Variants in ATM observed in about 807,000 individuals in gnomAD.
ATM encodes serine-protein kinase ATM.
Under a neutral mutation model 387.0 loss-of-function variants are expected in ATM, and 308 were observed. The observed-to-expected ratio is 0.80, with a 90% CI of 0.73 to 0.87. The LOEUF (loss-of-function observed/expected upper bound fraction) is 0.87. ATM is among the 40% of genes least tolerant of loss of function. The pLI, the probability that ATM is intolerant of heterozygous loss-of-function variation, is 0.00. For synonymous variants in ATM, 1,156 were observed against 1,187.3 expected, an observed-to-expected ratio of 0.97 and a Z score of 0.54; for missense variants, 3,312 against 3,560.9, an observed-to-expected ratio of 0.93 and a Z score of 1.78.
At chr11:108,251,095 CT>C in intron 10 of ATM, 23 bp downstream of exon 10, 2 of 1,613,532 alleles carry the variant, frequency 1.2e-6, no homozygotes, top group Non-Finnish European at 1.7e-6. Context: ...TGCATTATGT[CT>C]GACTTACAGA....
At chr11:108,350,638 G>A (rs7103368) in intron 59 of ATM, among the ~76,000 whole-genome samples, 1,675 of 152,282 alleles carry the variant, frequency 0.011, 37 homozygotes, top group African/African-American at 0.038. Flanking sequence ...AACATTCAGC[G>A]AATGTGAGAG....
Position 108,304,762 on chromosome 11 carries a change from CT to C in ATM, c.5587del (p.Ser1863LeufsTer54). On this transcript the variant is annotated frameshift_variant, in exon 37 of 63. Transcript: ENST00000675843. LOFTEE classifies it high-confidence loss of function. ...QDTNESWRNLLSTHVQGFFTS... is the reference protein window; with the variant it reads ...QDTNESWRNLXSTHVQGFFTS... ...TACAAATGAATCATGGAGAAATCTG[CT>C]TTCTACACATGTTCAGGGATTTTTC... 6.2e-7 allele frequency: 1 copy of C among 1,613,988 alleles called. No individual in the cohort carries two copies. Among genetic ancestry groups the C allele is most frequent in the African/African-American group, 1.3e-5 (1 of 75,020 alleles).
chr11:108,331,445 G>A lies in ATM; in HGVS notation c.7517G>A (p.Arg2506Lys), dbSNP rs1555123920. The A allele has an allele frequency of 1.9e-6, 3 of 1,612,566 alleles. No individual in the cohort carries two copies. Among genetic ancestry groups the A allele is most frequent in the Non-Finnish European group, 1.7e-6 (2 of 1,179,352 alleles). ...GVSEVNGMMKRDGMKIPTYKF... is the reference protein window; with the variant it reads ...GVSEVNGMMKKDGMKIPTYKF... ...TTTGTGTCTTTTTTTTAATGGTAGA[G>A]AGACGGAATGAAGATTCCAACATAT... Residue 2506 changes from arginine to lysine, a missense_variant and splice_region_variant, in exon 51 of 63, where the codon AGA becomes AAA. Transcript: ENST00000675843.
rs35578748 is a variant in ATM, at chr11:108,250,737, T to C, written c.1272T>C (p.Pro424=). The change falls in exon 10 of 63, where the codon CCT becomes CCC. Residue 424 remains proline, a synonymous_variant. Transcript: ENST00000675843. ...QIATQLISKY[P]ASLPNCELSP... ...CAACCCAATTAATATCAAAGTATCC[T>C]GCAAGTTTACCTAACTGTGAGCTGT... is the stretch of plus-strand genomic sequence containing the variant. 2.4e-4 allele frequency: 387 copies of C among 1,610,944 alleles called. No individual in the cohort carries two copies. In the Middle Eastern group the frequency reaches 5.9e-3, roughly 25 times the overall value.
intron 6 of ATM, among the ~76,000 whole-genome samples, chr11:108,244,433 T>C (rs887044999): frequency 3.9e-5 from 6 of 152,126 alleles, no homozygotes; most frequent in Non-Finnish European, 8.8e-5. Context: ...TAAAATAAAA[T>C]AGGAAAATAT....
intron 14 of ATM, 149 bp from the exon 15 acceptor site, chr11:108,257,332 C>G (rs150952717): frequency 2.3e-5 from 22 of 958,288 alleles, no homozygotes; most frequent in Non-Finnish European, 3.0e-5. Flanking sequence ...TGTATGACTA[C>G]GTGGAACTTC....
chr11:108,239,600 G>T (rs1462950081), intron 5 of ATM, among the ~76,000 whole-genome samples: 1 of 152,152 alleles, frequency 6.6e-6, no homozygotes, highest in Non-Finnish European at 1.5e-5. Context: ...ATGCTGCCGT[G>T]AACATGAGTA....
intron 61 of ATM, among the ~76,000 whole-genome samples, chr11:108,359,660 C>A (rs1290043619): frequency 1.3e-5 from 2 of 152,188 alleles, no homozygotes; most frequent in African/African-American, 4.8e-5. Flanking sequence ...AACCGCTCAA[C>A]TACATGGAAA....
chr11:108,260,071 G>C (rs1175375530), intron 16 of ATM, among the ~76,000 whole-genome samples: 1 of 107,548 alleles, frequency 9.3e-6, no homozygotes, highest in African/African-American at 3.7e-5. Flanking sequence ...GTCTTGCTCT[G>C]TTGCCCGGGC....
chr11:108,361,796 C>T (rs370291237), intron 61 of ATM, among the ~76,000 whole-genome samples: 81 of 152,188 alleles, frequency 5.3e-4, no homozygotes, highest in African/African-American at 1.8e-3. Flanking sequence ...CAAAAATTAA[C>T]TCAAGATGGA....
intron 24 of ATM, among the ~76,000 whole-genome samples, chr11:108,282,234 T>G (rs1225340711): frequency 6.6e-6 from 1 of 151,706 alleles, no homozygotes; most frequent in Non-Finnish European, 1.5e-5. Flanking sequence ...TTCATGCCAT[T>G]CTCCTGCCTC....
chr11:108,262,656 A>G (rs941640692), intron 16 of ATM, among the ~76,000 whole-genome samples: 4 of 151,946 alleles, frequency 2.6e-5, no homozygotes, highest in Non-Finnish European at 5.9e-5. Context: ...ATGTAAATGG[A>G]CTAAATGCTC....
chr11:108,257,551 G>A lies in ATM; in HGVS notation c.2321G>A (p.Gly774Asp), dbSNP rs1555075727. The A allele has an allele frequency of 1.9e-6, 3 of 1,614,032 alleles. No homozygotes were observed. The highest frequency in any genetic ancestry group is 2.5e-6 in the Non-Finnish European group (3 of 1,180,024). Reference sequence around the variant, plus strand: ...AAGACAAATGAGGAATTCAGAATTGGTTCCTTGAGAAATATGATGCAGCTA... The same window carrying A: ...AAGACAAATGAGGAATTCAGAATTGATTCCTTGAGAAATATGATGCAGCTA... ...KNKTNEEFRIGSLRNMMQLCT... is the reference protein window; with the variant it reads ...KNKTNEEFRIDSLRNMMQLCT... The change falls in exon 15 of 63, where the codon GGT (glycine) becomes GAT (aspartate). Residue 774 changes from glycine (G) to aspartate (D), a missense_variant. Physicochemically the swap from Gly to Asp is moderately conservative, Grantham distance 94 (BLOSUM62 -1). This residue lies in a region of ATM where 1,791 missense variants were observed against 1,804.5 expected (regional missense o/e 0.99). Coordinates refer to ENST00000675843, the MANE Select transcript of ATM (RefSeq NM_000051.4).
intron 5 of ATM, among the ~76,000 whole-genome samples, chr11:108,243,410 T>G (rs989946555): frequency 2.6e-5 from 4 of 152,008 alleles, no homozygotes; most frequent in African/African-American, 4.8e-5. Context: ...GCCAGGAGTT[T>G]GAGACCAGCC....
At chr11:108,340,613 C>G (rs1455514543) in intron 56 of ATM, among the ~76,000 whole-genome samples, 4 of 152,172 alleles carry the variant, frequency 2.6e-5, no homozygotes, top group African/African-American at 9.7e-5. Context: ...GAGTTTAAAC[C>G]AACAGTTTAC....
chr11:108,361,986 G>T (rs1204887425), intron 61 of ATM, among the ~76,000 whole-genome samples: 7 of 132,912 alleles, frequency 5.3e-5, no homozygotes, highest in African/African-American at 2.0e-4. Flanking sequence ...CACAGCAAAA[G>T]AAACTACCAT....
chr11:108,341,253 A>G (rs1266196447), intron 56 of ATM, among the ~76,000 whole-genome samples: 1 of 152,034 alleles, frequency 6.6e-6, no homozygotes, highest in Non-Finnish European at 1.5e-5. Context: ...CTTTTCCCTC[A>G]GATCTTCACA....
intron 16 of ATM, among the ~76,000 whole-genome samples, chr11:108,260,773 G>C (rs1351413373): frequency 6.6e-6 from 1 of 152,216 alleles, no homozygotes; most frequent in Non-Finnish European, 1.5e-5. Flanking sequence ...GCGCAGGTCA[G>C]TGGGTGTGCG....
At chr11:108,309,238 TCA>T (rs926773456) in intron 38 of ATM, among the ~76,000 whole-genome samples, 1 of 152,198 alleles carries the variant, frequency 6.6e-6, no homozygotes, top group Non-Finnish European at 1.5e-5. Flanking sequence ...TCTTTGAACC[TCA>T]GTCTTATCAT....
Sources: allele counts gnomAD v4.1 joint callset (sites outside exome capture counted in the v4.1 genomes callset), GRCh38; gene constraint gnomAD v4.1.1; regional missense constraint gnomAD v4.1.1; transcripts MANE v1.5; gene names NCBI Gene and HGNC (gene_info 2026-07-23, HGNC 2026-07-21).